Variants in NCAM2 observed in about 807,000 individuals in gnomAD.
NCAM2 encodes the protein N-CAM-2.
In NCAM2, 30 loss-of-function variants were observed where a neutral mutation model predicts 98.1. The observed-to-expected ratio is 0.31, with a 90% CI of 0.23 to 0.41. NCAM2 has a LOEUF of 0.41. Among genes scored for constraint, NCAM2 ranks in the 10% least tolerant of loss-of-function variants. The pLI is 1.00. For synonymous variants in NCAM2, 368 were observed against 342.4 expected (o/e 1.07, Z -0.83); for missense variants, 867 against 1,005.8 (o/e 0.86, Z 1.87).
chr21:21,070,719 A>G (rs139649328), intron 1 of NCAM2, among the ~76,000 whole-genome samples: 115 of 152,266 alleles, frequency 7.6e-4, no homozygotes, highest in African/African-American at 2.6e-3. Flanking sequence ...CAGAATGCAT[A>G]AATGTGCCTG....
At chr21:21,471,620 G>A (rs1297129582) in intron 14 of NCAM2, among the ~76,000 whole-genome samples, 1 of 151,988 alleles carries the variant, frequency 6.6e-6, no homozygotes, top group African/African-American at 2.4e-5. Context: ...CAACTCCAGT[G>A]TGCACAGGGC....
At chr21:21,262,028 G>A (rs1283650969) in intron 1 of NCAM2, among the ~76,000 whole-genome samples, 1 of 152,092 alleles carries the variant, frequency 6.6e-6, no homozygotes, top group Non-Finnish European at 1.5e-5. Flanking sequence ...AGGTGACATT[G>A]CAACTGATAC....
intron 8 of NCAM2, among the ~76,000 whole-genome samples, chr21:21,356,499 CT>C (rs879455170): frequency 3.3e-5 from 5 of 151,814 alleles, no homozygotes; most frequent in African/African-American, 4.8e-5. Flanking sequence ...TTTTTTGTTT[CT>C]TTTTTTATTC....
chr21:21,510,509 A>C (rs1988299907), intron 16 of NCAM2, among the ~76,000 whole-genome samples: 1 of 152,112 alleles, frequency 6.6e-6, no homozygotes, highest in Non-Finnish European at 1.5e-5. Context: ...TTGTATTTCA[A>C]GGACTGATGC....
chr21:21,240,065 T>A (rs1315715355), intron 1 of NCAM2, among the ~76,000 whole-genome samples: 1 of 152,144 alleles, frequency 6.6e-6, no homozygotes, highest in Non-Finnish European at 1.5e-5. Flanking sequence ...TATTATCACC[T>A]ATCTTCTGTT....
intron 1 of NCAM2, among the ~76,000 whole-genome samples, chr21:21,002,990 TC>T (rs2064047440): frequency 1.3e-5 from 2 of 152,168 alleles, no homozygotes; most frequent in Non-Finnish European, 2.9e-5. Context: ...AATGTAAAAT[TC>T]CTGCACTTTA....
In NCAM2 at chr21:21,437,474, CTG is replaced by C. The variant is rs3990174; in HGVS notation, c.1654+5219_1654+5220del. 9.0e-4 allele frequency among the ~76,000 whole-genome samples: 130 copies of C among 144,344 alleles called. 1 individual carries two copies. The highest frequency in any genetic ancestry group is 2.0e-3 in the South Asian group (9 of 4,410). 94.7% of individuals were successfully genotyped at this position (144,344 alleles called of 152,430 possible). A position where few individuals can be genotyped will look rare whatever the true frequency, so the allele number is the denominator to read the frequency against. On this transcript the variant is annotated intron_variant, in intron 12 of 17. Coordinates refer to ENST00000400546, the MANE Select transcript of NCAM2 (RefSeq NM_004540.5). ...ATTTATCCAATCCCCCACCAAGATT[CTG>C]TGTGTGTGTGTGTGTGTGTGTGTGT...
intron 8 of NCAM2, among the ~76,000 whole-genome samples, chr21:21,339,058 C>T (rs1242068101): frequency 6.6e-6 from 1 of 152,156 alleles, no homozygotes; most frequent in African/African-American, 2.4e-5. Context: ...AGAAGATTTA[C>T]TTCAAATTAA....
At chr21:21,256,349 ACT>A (rs937081029) in intron 1 of NCAM2, among the ~76,000 whole-genome samples, 7 of 151,870 alleles carry the variant, frequency 4.6e-5, no homozygotes, top group Admixed American at 1.3e-4. Context: ...AGAGCAAAAA[ACT>A]CTGTCTCAAA....
At chr21:21,283,486 G>T (rs1425708728) in intron 2 of NCAM2, among the ~76,000 whole-genome samples, 1 of 151,806 alleles carries the variant, frequency 6.6e-6, no homozygotes, top group Non-Finnish European at 1.5e-5. Context: ...ACCCTGTAAT[G>T]ATTTGGTTGT....
chr21:21,195,774 T>C (rs2068982548), intron 1 of NCAM2, among the ~76,000 whole-genome samples: 1 of 152,172 alleles, frequency 6.6e-6, no homozygotes, highest in Non-Finnish European at 1.5e-5. Context: ...GTAGCTGTAA[T>C]GCACACTCCA....
intron 8 of NCAM2, among the ~76,000 whole-genome samples, chr21:21,373,596 T>C (rs1293336022): frequency 2.6e-5 from 4 of 151,646 alleles, no homozygotes; most frequent in South Asian, 2.1e-4. Context: ...GGCTGAGTGA[T>C]TGGGTTTTGT....
At chr21:21,530,271 TATATAATTTA>T (rs1403915367) in intron 16 of NCAM2, among the ~76,000 whole-genome samples, 1 of 136,042 alleles carries the variant, frequency 7.4e-6, no homozygotes, top group African/African-American at 2.7e-5. Context: ...AATTTAATTA[TATATAATTTA>T]ATTTAATTAT....
At chr21:21,164,287 A>T (rs2067882794) in intron 1 of NCAM2, among the ~76,000 whole-genome samples, 1 of 152,234 alleles carries the variant, frequency 6.6e-6, no homozygotes, top group Non-Finnish European at 1.5e-5. Context: ...TTGAAAATAG[A>T]GTATTACAAT....
At chr21:21,143,217 T>A (rs1269594625) in intron 1 of NCAM2, among the ~76,000 whole-genome samples, 1 of 152,234 alleles carries the variant, frequency 6.6e-6, no homozygotes, top group African/African-American at 2.4e-5. Context: ...TTGGGTTTTT[T>A]TCCATTGGAA....
In NCAM2 at chr21:21,423,169, T is replaced by C. The variant is rs1321816425; in HGVS notation, c.1480+4600T>C. On this transcript the variant is annotated intron_variant, in intron 11 of 17. Transcript: ENST00000400546. ...TTTGTTTCATTAATTGATGCAGGTT[T>C]CTGATAAAGTCACCTTCTCTTGGGC... Among the ~76,000 whole-genome samples the C allele has an allele frequency of 2.0e-5, 3 of 152,194 alleles. No homozygotes were observed. The East Asian group carries it at 5.8e-4, about 29-fold the overall frequency.
At chr21:21,024,705 G>A (rs983829184) in intron 1 of NCAM2, among the ~76,000 whole-genome samples, 7 of 151,980 alleles carry the variant, frequency 4.6e-5, no homozygotes, top group African/African-American at 1.7e-4. Context: ...GCGAAACCCC[G>A]TCTCTACTAA....
At chr21:21,287,385 A>G (rs1376597140) in intron 4 of NCAM2, among the ~76,000 whole-genome samples, 1 of 152,012 alleles carries the variant, frequency 6.6e-6, no homozygotes, top group Non-Finnish European at 1.5e-5. Flanking sequence ...TGAGCTTAGC[A>G]TGTTCAATGC....
chr21:21,210,498 C>A, intron 1 of NCAM2: 2 of 1,267,334 alleles, frequency 1.6e-6, no homozygotes, highest in African/African-American at 3.1e-5. Flanking sequence ...TAATTAAAAA[C>A]TCAAAGGGTG....
Sources: allele counts gnomAD v4.1 joint callset (sites outside exome capture counted in the v4.1 genomes callset), GRCh38; gene constraint gnomAD v4.1.1; transcripts MANE v1.5; gene names NCBI Gene and HGNC (gene_info 2026-07-23, HGNC 2026-07-21).